AMBP: variants seen among roughly 807,000 people sequenced by gnomAD.
AMBP encodes alpha-1-microglobulin/bikunin precursor, also known as protein AMBP.
AMBP carries 37 observed loss-of-function variants against 46.3 expected under a neutral mutation model. The observed-to-expected ratio is 0.80, with a 90% CI of 0.61 to 1.05. The LOEUF (loss-of-function observed/expected upper bound fraction) is 1.05. Ranked by LOEUF, AMBP falls within the 50% of genes least tolerant of loss-of-function variation. The pLI, the probability that AMBP is intolerant of heterozygous loss-of-function variation, is 0.00. For synonymous variants in AMBP, 174 were observed against 175.9 expected (o/e 0.99, Z 0.09); for missense variants, 475 against 461.2 (o/e 1.03, Z -0.27).
intron 6 of AMBP, among the ~76,000 whole-genome samples, chr9:114,067,463 C>T (rs1846705787): frequency 6.6e-6 from 1 of 151,970 alleles, no homozygotes; most frequent in Admixed American, 6.6e-5. Context: ...ACTATGTGGC[C>T]CAGACTGGTC....
intron 1 of AMBP, 103 bp downstream of exon 1, chr9:114,077,990 G>T: frequency 9.1e-7 from 1 of 1,100,040 alleles, no homozygotes; most frequent in Non-Finnish European, 1.4e-6. Context: ...TGATCTGAGT[G>T]GAAGCCTGAG....
chr9:114,061,675 A>C, intron 7 of AMBP, 84 bp from the exon 8 acceptor site: 198 of 1,398,498 alleles, frequency 1.4e-4, no homozygotes, highest in Non-Finnish European at 1.7e-4. Flanking sequence ...GCGCCATCTC[A>C]TTTAATTTTC....
intron 8 of AMBP, 114 bp downstream of exon 8, chr9:114,061,310 G>C (rs1455296997): frequency 1.3e-6 from 2 of 1,523,862 alleles, no homozygotes; most frequent in African/African-American, 2.7e-5. Context: ...AAACCGCCTG[G>C]AGTTCTACCA....
At chr9:114,061,950 C>T (rs977172900) in intron 7 of AMBP, among the ~76,000 whole-genome samples, 2 of 152,222 alleles carry the variant, frequency 1.3e-5, no homozygotes, top group South Asian at 2.1e-4. Flanking sequence ...TTCACCAAGT[C>T]CCACCCACCC....
rs778756026 is a variant in AMBP, at chr9:114,074,038, T to C, written c.452A>G (p.Tyr151Cys). ...CACATCTAGTAATGAGCCTTTACCG[T>C]AGAGCTTGGCAGTAATGGTGGGTCC... Reference protein sequence around the residue: ...HHGPTITAKLYGRAPQLRETL... With the variant: ...HHGPTITAKLCGRAPQLRETL... Residue 151 changes from tyrosine to cysteine, a missense_variant and splice_region_variant, in exon 4 of 10, where the codon TAC (tyrosine) becomes TGC (cysteine). Physicochemically the swap from Tyr to Cys is radical, Grantham distance 194. This residue lies in a region of AMBP where 293 missense variants were observed against 276.9 expected (regional missense o/e 1.06). Coordinates refer to ENST00000265132, the MANE Select transcript of AMBP (RefSeq NM_001633.4). The C allele has an allele frequency of 2.5e-6, 4 of 1,613,722 alleles. No individual in the cohort carries two copies. The South Asian group carries it at 3.3e-5, about 13-fold the overall frequency.
At chr9:114,074,015 C>T in intron 4 of AMBP, 21 bp downstream of exon 4, 2 of 1,605,360 alleles carry the variant, frequency 1.2e-6, no homozygotes. Context: ...CCAATGGGCA[C>T]ATCTAGTAAT....
At chr9:114,064,267 T>C (rs1293377925) in intron 6 of AMBP, among the ~76,000 whole-genome samples, 1 of 152,192 alleles carries the variant, frequency 6.6e-6, no homozygotes, top group Non-Finnish European at 1.5e-5. Flanking sequence ...GAAGGGAATC[T>C]AAATGCCAGA....
In AMBP at chr9:114,061,458, T is replaced by C; in HGVS notation, c.819A>G (p.Thr273=). 1 of 1,614,128 alleles carries C rather than the reference T, an allele frequency of 6.2e-7. No homozygotes were observed. The highest frequency in any genetic ancestry group is 8.5e-7 in the Non-Finnish European group (1 of 1,180,026). Residue 273 remains threonine (T), a synonymous_variant, in exon 8 of 10, where the codon ACA becomes ACG. Coordinates refer to ENST00000265132, the MANE Select transcript of AMBP (RefSeq NM_001633.4). ...GCMGNGNNFV[T]EKECLQTCRT... is the part of the protein sequence containing the mutation. ...GGCAGGTCTGCAGACACTCCTTTTC[T>C]GTGACGAAGTTGTTACCGTTGCCCA...
intron 5 of AMBP, 51 bp from the exon 6 acceptor site, chr9:114,069,796 G>T: frequency 1.9e-6 from 3 of 1,589,174 alleles, no homozygotes; most frequent in Non-Finnish European, 1.7e-6. Flanking sequence ...AGGCCCAGGG[G>T]CCATCCTAGA....
chr9:114,060,306 G>C, intron 9 of AMBP, 36 bp from the exon 10 acceptor site: 2 of 1,610,420 alleles, frequency 1.2e-6, no homozygotes, highest in South Asian at 2.2e-5. Flanking sequence ...GGGGTCCGTA[G>C]GCAGGGACAC....
chr9:114,066,929 A>G (rs1846701149), intron 6 of AMBP, among the ~76,000 whole-genome samples: 1 of 152,082 alleles, frequency 6.6e-6, no homozygotes, highest in Non-Finnish European at 1.5e-5. Context: ...GAATTCCAGG[A>G]TGTGTTGTTA....
At chr9:114,060,522 C>T (rs1331558593) in intron 9 of AMBP, among the ~76,000 whole-genome samples, 7 of 152,092 alleles carry the variant, frequency 4.6e-5, no homozygotes, top group East Asian at 3.9e-4. Flanking sequence ...ACCATTGTAT[C>T]GTTGTCGTTA....
rs1293347528 is a variant in AMBP, at chr9:114,062,677, CTTCTTTCTTGGTGACTTCAG to C, written c.665_684del (p.Thr222ArgfsTer22). 19 of 1,613,648 alleles carry C rather than the reference CTTCTTTCTTGGTGACTTCAG, an allele frequency of 1.2e-5. No individual in the cohort carries two copies. Among genetic ancestry groups the C allele is most frequent in the Non-Finnish European group, 1.6e-5 (19 of 1,180,016 alleles). ...GGGTGAAAAGGCAGGTGTTCATTAC[CTTCTTTCTTGGTGACTTCAG>C]TTACCAGTTGCCCACCCCCTGATCC... is the stretch of plus-strand genomic sequence containing the variant. On this transcript the variant is annotated frameshift_variant and splice_region_variant, in exon 7 of 10. Transcript: ENST00000265132. LOFTEE classifies it high-confidence loss of function.
Position 114,062,692 on chromosome 9 carries a change from CTT to C in AMBP, c.668_669del (p.Glu223GlyfsTer27). 1.9e-6 allele frequency: 3 copies of C among 1,613,870 alleles called. No homozygotes were observed. Among genetic ancestry groups the C allele is most frequent in the Non-Finnish European group, 2.5e-6 (3 of 1,179,990 alleles). On this transcript the variant is annotated frameshift_variant, in exon 7 of 10. Coordinates refer to ENST00000265132, the MANE Select transcript of AMBP (RefSeq NM_001633.4). LOFTEE classifies it high-confidence loss of function. ...TGTTCATTACCTTCTTTCTTGGTGA[CTT>C]CAGTTACCAGTTGCCCACCCCCTGA... ...EGSGGGQLVTEVTKKEDSCQL... is the reference protein window; with the variant it reads ...EGSGGGQLVTXVTKKEDSCQL...
intron 6 of AMBP, among the ~76,000 whole-genome samples, chr9:114,065,725 TA>T (rs927628449): frequency 2.1e-4 from 31 of 150,694 alleles, no homozygotes; most frequent in African/African-American, 7.3e-4. Context: ...AGGATGGGGC[TA>T]GGGGGAGGTG....
intron 1 of AMBP, chr9:114,077,581 G>T (rs570245715): frequency 1.3e-5 from 2 of 159,816 alleles, no homozygotes; most frequent in East Asian, 3.5e-4. Context: ...TCTCTGTCCT[G>T]CTTCACCTCT....
In AMBP at chr9:114,060,915, G is replaced by C. The variant is rs1351963314; in HGVS notation, c.1027+10C>G. 6 of 1,611,242 alleles carry C rather than the reference G, an allele frequency of 3.7e-6. No homozygotes were observed. Among genetic ancestry groups the C allele is most frequent in the Non-Finnish European group, 5.1e-6 (6 of 1,178,454 alleles). ...CTCGGCCCAGCCTGGCACCCTGCAG[G>C]GCTGCCTACCATCACCAGGGACACC... On this transcript the variant is annotated intron_variant, in intron 9 of 9. Coordinates refer to ENST00000265132, the MANE Select transcript of AMBP (RefSeq NM_001633.4).
chr9:114,072,846 C>G, intron 5 of AMBP, 79 bp downstream of exon 5: 2 of 1,327,364 alleles, frequency 1.5e-6, no homozygotes, highest in Non-Finnish European at 2.1e-6. Flanking sequence ...ATAGTAAGGA[C>G]CCAGGGGCTG....
intron 6 of AMBP, among the ~76,000 whole-genome samples, chr9:114,068,258 A>G (rs1846711866): frequency 6.6e-6 from 1 of 152,182 alleles, no homozygotes; most frequent in African/African-American, 2.4e-5. Flanking sequence ...TCATGACTAA[A>G]TATTCATTTG....
Sources: allele counts gnomAD v4.1 joint callset (sites outside exome capture counted in the v4.1 genomes callset), GRCh38; gene constraint gnomAD v4.1.1; regional missense constraint gnomAD v4.1.1; transcripts MANE v1.5; gene names NCBI Gene and HGNC (gene_info 2026-07-23, HGNC 2026-07-21).